SPRED2: variants seen among roughly 807,000 people sequenced by gnomAD.
The protein encoded by SPRED2 is sprouty-related, EVH1 domain-containing protein 2.
A neutral mutation model predicts 43.0 loss-of-function variants in SPRED2; 47 were observed. That is an observed-to-expected ratio of 1.09 (90% CI 0.87 to 1.40). The LOEUF is 1.40. SPRED2 is among the 40% of genes most tolerant of loss of function. SPRED2 has a pLI of 0.00. For synonymous variants in SPRED2, 225 were observed against 225.7 expected (o/e 1.00, Z 0.03); for missense variants, 561 against 586.4 (o/e 0.96, Z 0.45).
chr2:65,360,006 A>C (rs1380670287), intron 1 of SPRED2, among the ~76,000 whole-genome samples: 1 of 144,766 alleles, frequency 6.9e-6, no homozygotes, highest in Non-Finnish European at 1.5e-5. Context: ...CGGAGGTTGC[A>C]GTGAGCCAAG....
intron 2 of SPRED2, among the ~76,000 whole-genome samples, chr2:65,340,029 T>C (rs1055128433): frequency 6.6e-6 from 1 of 152,222 alleles, no homozygotes; most frequent in Non-Finnish European, 1.5e-5. Context: ...ATTAATGAGA[T>C]CTTCAAAAAC....
intron 1 of SPRED2, among the ~76,000 whole-genome samples, chr2:65,416,019 A>G (rs2103779005): frequency 6.6e-6 from 1 of 152,362 alleles, no homozygotes; most frequent in East Asian, 1.9e-4. Flanking sequence ...GATCTTTAAA[A>G]AGACTAAATG....
At chr2:65,393,274 G>A (rs1675679136) in intron 1 of SPRED2, among the ~76,000 whole-genome samples, 1 of 151,136 alleles carries the variant, frequency 6.6e-6, no homozygotes, top group Non-Finnish European at 1.5e-5. Context: ...CCAAAATCCA[G>A]AGCTGAAAAT....
intron 4 of SPRED2, among the ~76,000 whole-genome samples, chr2:65,331,133 C>A (rs184380950): frequency 6.6e-6 from 1 of 152,206 alleles, no homozygotes. Context: ...CCAGGCTGGG[C>A]GTGGTGGCTA....
At position 65,313,774 on chromosome 2, in the gene SPRED2, G is replaced by A. The variant is rs2104103376; in HGVS notation, c.984C>T (p.Asp328=). ...HEENRRGHCQ[D]APDSVRTCIR... ...TGCAAGTTCTCACGGAGTCGGGCGC[G>A]TCCTGGCAGTGGCCCCGGCGGTTCT... is the stretch of plus-strand genomic sequence containing the variant. The change falls in exon 6 of 6, where the codon GAC becomes GAT. Residue 328 remains aspartate, a synonymous_variant. Transcript: ENST00000356388. 1.2e-6 allele frequency: 2 copies of A among 1,614,162 alleles called. No individual in the cohort carries two copies. The highest frequency in any genetic ancestry group is 1.7e-6 in the Non-Finnish European group (2 of 1,180,032).
intron 1 of SPRED2, among the ~76,000 whole-genome samples, chr2:65,418,446 T>G (rs566547711): frequency 5.4e-4 from 82 of 152,322 alleles, no homozygotes; most frequent in African/African-American, 1.9e-3. Flanking sequence ...AATACTACCA[T>G]CATCCTTTTC....
At chr2:65,325,294 G>A (rs1673576957) in intron 4 of SPRED2, among the ~76,000 whole-genome samples, 1 of 152,206 alleles carries the variant, frequency 6.6e-6, no homozygotes, top group Non-Finnish European at 1.5e-5. Flanking sequence ...CAGCCCATTT[G>A]GGAGATCAGT....
chr2:65,431,833 C>T (rs1383468801), intron 1 of SPRED2, 129 bp downstream of exon 1: 4 of 1,156,096 alleles, frequency 3.5e-6, no homozygotes, highest in Non-Finnish European at 3.8e-6. Flanking sequence ...CGTCCCAACG[C>T]CGAAAGGTCA....
intron 1 of SPRED2, among the ~76,000 whole-genome samples, chr2:65,345,229 GAC>G (rs1008271075): frequency 1.1e-4 from 17 of 149,916 alleles, no homozygotes; most frequent in Non-Finnish European, 1.9e-4. Flanking sequence ...AGGTTGGAAA[GAC>G]ACACACCTAT....
At chr2:65,370,448 G>T (rs1003963713) in intron 1 of SPRED2, among the ~76,000 whole-genome samples, 6 of 152,174 alleles carry the variant, frequency 3.9e-5, no homozygotes, top group African/African-American at 1.2e-4. Context: ...TACAAAGGCA[G>T]GACTGAGCAG....
chr2:65,413,908 AATGAGT>A (rs1676218174), intron 1 of SPRED2, among the ~76,000 whole-genome samples: 1 of 152,228 alleles, frequency 6.6e-6, no homozygotes, highest in South Asian at 2.1e-4. Flanking sequence ...ACAGTTTATG[AATGAGT>A]ATAAATTTTC....
chr2:65,321,859 G>A (rs559087378), intron 4 of SPRED2, among the ~76,000 whole-genome samples: 7 of 152,164 alleles, frequency 4.6e-5, no homozygotes, highest in East Asian at 1.9e-4. Flanking sequence ...TGCAACCTCC[G>A]CCTCCTGGGT....
intron 1 of SPRED2, among the ~76,000 whole-genome samples, chr2:65,379,490 C>T (rs1675321388): frequency 6.6e-6 from 1 of 152,150 alleles, no homozygotes; most frequent in South Asian, 2.1e-4. Flanking sequence ...CAACGATGAG[C>T]CTCTGCCTAC....
At chr2:65,309,013 G>C (rs528226663), downstream of SPRED2, among the ~76,000 whole-genome samples, 5 of 152,004 alleles carry the variant, frequency 3.3e-5, no homozygotes, top group African/African-American at 1.2e-4. Flanking sequence ...AAAATTAGCC[G>C]GGTGTGGTGG....
chr2:65,427,817 A>G (rs963527503), intron 1 of SPRED2, among the ~76,000 whole-genome samples: 2 of 152,144 alleles, frequency 1.3e-5, no homozygotes, highest in African/African-American at 4.8e-5. Context: ...GACCACCCCA[A>G]TGGTTCATAG....
chr2:65,307,903 C>T (rs571465723), downstream of SPRED2, among the ~76,000 whole-genome samples: 2 of 152,220 alleles, frequency 1.3e-5, no homozygotes, highest in South Asian at 2.1e-4. Flanking sequence ...CCAGTGAGGA[C>T]GCCCGCATTG....
chr2:65,417,618 A>G (rs897706084), intron 1 of SPRED2, among the ~76,000 whole-genome samples: 2 of 152,150 alleles, frequency 1.3e-5, no homozygotes, highest in African/African-American at 4.8e-5. Flanking sequence ...GGGTTCAGTA[A>G]CTCAAAGCAG....
At chr2:65,382,458 C>G (rs888739059) in intron 1 of SPRED2, among the ~76,000 whole-genome samples, 4 of 152,180 alleles carry the variant, frequency 2.6e-5, no homozygotes, top group Non-Finnish European at 4.4e-5. Flanking sequence ...GGTAACCCCC[C>G]CTCAGCCAGA....
At chr2:65,428,430 G>T (rs1393755856) in intron 1 of SPRED2, among the ~76,000 whole-genome samples, 2 of 152,196 alleles carry the variant, frequency 1.3e-5, no homozygotes, top group East Asian at 3.8e-4. Flanking sequence ...AGTTATAAAA[G>T]ACATTTTTGC....
Sources: gnomAD v4.1 joint callset for allele counts (sites outside exome capture counted in the v4.1 genomes callset) on GRCh38, gnomAD v4.1.1 for gene constraint, MANE v1.5 for transcripts, NCBI Gene and HGNC (gene_info 2026-07-23, HGNC 2026-07-21) for gene names.